FAM180B: variants seen among roughly 807,000 people sequenced by gnomAD.
FAM180B encodes the protein family with sequence similarity 180 member B.
In FAM180B, 14 loss-of-function variants were observed where a neutral mutation model predicts 13.6. The ratio of observed to expected loss-of-function variants is 1.03; its 90% CI spans 0.68 to 1.60. FAM180B has a LOEUF of 1.60. Ranked by LOEUF, FAM180B falls within the 40% of genes most tolerant of loss-of-function variation. The pLI, the probability that FAM180B is intolerant of heterozygous loss-of-function variation, is 0.00. For synonymous variants in FAM180B, 109 were observed against 97.0 expected (o/e 1.12, Z -0.72); for missense variants, 212 against 230.4 (o/e 0.92, Z 0.52).
intron 1 of FAM180B, 97 bp from the exon 2 acceptor site, chr11:47,587,654 C>T: frequency 1.3e-6 from 1 of 789,058 alleles, no homozygotes; most frequent in Non-Finnish European, 2.0e-6. Context: ...TGATGAAGCA[C>T]TCGGGACCTC....
rs556745074 is a variant in FAM180B at position 47,586,712 on chromosome 11, C to T, written c.-57C>T. Reference sequence around the variant, plus strand: ...AGTTGGAGCTGAGGTGTGTGGCAGGCAGATGAGGGAGCAGAGAACTGCTGA... The same window carrying T: ...AGTTGGAGCTGAGGTGTGTGGCAGGTAGATGAGGGAGCAGAGAACTGCTGA... On this transcript the variant is annotated 5_prime_UTR_variant, in exon 1 of 3. Transcript: ENST00000538490. 3 of 1,275,346 alleles carry T rather than the reference C, an allele frequency of 2.4e-6. No individual in the cohort carries two copies. Among genetic ancestry groups the T allele is most frequent in the African/African-American group, 1.5e-5 (1 of 67,860 alleles). The allele number at this position is 1,275,346 out of a possible 1,614,324, so 79.0% of individuals were successfully genotyped here.
chr11:47,588,165 G>A lies in FAM180B; in HGVS notation c.283G>A (p.Glu95Lys). The A allele has an allele frequency of 6.5e-7, 1 of 1,537,208 alleles. No individual in the cohort carries two copies. Among genetic ancestry groups the A allele is most frequent in the East Asian group, 2.4e-5 (1 of 40,920 alleles). Residue 95 changes from glutamate to lysine, a missense_variant, in exon 3 of 3, where the codon GAG becomes AAG. Transcript: ENST00000538490. Reference sequence around the variant, plus strand: ...GCAGCACCACGTGCCCAGTGACTTGGAGGGCACTGAGCAGTGGCTGCAGCA... The same window carrying A: ...GCAGCACCACGTGCCCAGTGACTTGAAGGGCACTGAGCAGTGGCTGCAGCA... ...LLQHHVPSDL[E>K]GTEQWLQQLQ...
chr11:47,587,693 A>C, intron 1 of FAM180B, 58 bp from the exon 2 acceptor site: 1 of 1,266,462 alleles, frequency 7.9e-7, no homozygotes, highest in Non-Finnish European at 1.1e-6. Context: ...CACTTCTGGG[A>C]GGCTGGGGTG....
chr11:47,588,743 T>A lies in FAM180B; in HGVS notation c.*309T>A, dbSNP rs1396955529. On this transcript the variant is annotated 3_prime_UTR_variant, in exon 3 of 3. Transcript: ENST00000538490. The stretch of plus-strand genomic sequence containing the variant: ...GAGTGTGTGTGTGTGTGTGTGTGTG[T>A]GTGTGTGTGTGTGGAGATCAGGGGT... The A allele has an allele frequency of 3.3e-5, 9 of 274,648 alleles. No individual in the cohort carries two copies. The highest frequency in any genetic ancestry group is 5.4e-5 in the Non-Finnish European group (8 of 147,490). The allele number at this position is 274,648 out of a possible 1,614,324, so 17.0% of individuals were successfully genotyped here. A position where few individuals can be genotyped will look rare whatever the true frequency, so the allele number is the denominator to read the frequency against.
chr11:47,586,915 T>C, intron 1 of FAM180B, 62 bp downstream of exon 1: 1 of 1,161,010 alleles, frequency 8.6e-7, no homozygotes, highest in South Asian at 1.3e-5. Flanking sequence ...AGTTAACAGT[T>C]GGCTCTATTT....
At position 47,587,811 on chromosome 11, in the gene FAM180B, T is replaced by C; in HGVS notation, c.146T>C (p.Val49Ala). ...CTGCAGGAGCCAGAGGCCCCGGAAG[T>C]GATGTTTGAGGTCTTTCCTCCCAGC... ...GGLQEPEAPE[V>A]MFELLWAGLE... is the part of the protein sequence containing the mutation. The change falls in exon 2 of 3, where the codon GTG (valine) becomes GCG (alanine). Residue 49 changes from valine to alanine, a missense_variant. Physicochemically the swap from Val to Ala is moderately conservative, Grantham distance 64 (BLOSUM62 0). Transcript: ENST00000538490. 6.5e-7 allele frequency: 1 copy of C among 1,534,422 alleles called. No homozygotes were observed. The highest frequency in any genetic ancestry group is 8.7e-7 in the Non-Finnish European group (1 of 1,145,398).
Position 47,588,199 on chromosome 11 carries a change from A to G in FAM180B, c.317A>G (p.Asp106Gly). The G allele has an allele frequency of 6.5e-7, 1 of 1,537,070 alleles. No homozygotes were observed. Among genetic ancestry groups the G allele is most frequent in the Non-Finnish European group, 8.7e-7 (1 of 1,146,834 alleles). ...GAGCAGTGGCTGCAGCAGCTCCAGGACCTGCGGAAGGGGCCTCCTCTTAGC... is the reference window on the plus strand; with the variant it reads ...GAGCAGTGGCTGCAGCAGCTCCAGGGCCTGCGGAAGGGGCCTCCTCTTAGC... ...GTEQWLQQLQ[D>G]LRKGPPLSTW... Residue 106 changes from aspartate (D) to glycine (G), a missense_variant, in exon 3 of 3, where the codon GAC becomes GGC. Transcript: ENST00000538490.
At position 47,588,657 on chromosome 11, in the gene FAM180B, C is replaced by A; in HGVS notation, c.*223C>A. ...GGCTAAGAACCCAGGCTCTGGGTCG[C>A]AAGGAGTGCGCAAGGAGTGGGCACA... On this transcript the variant is annotated 3_prime_UTR_variant, in exon 3 of 3. Coordinates refer to ENST00000538490, the MANE Select transcript of FAM180B (RefSeq NM_001164379.3). 1.9e-6 allele frequency: 1 copy of A among 526,800 alleles called. No individual in the cohort carries two copies. Among genetic ancestry groups the A allele is most frequent in the Non-Finnish European group, 3.4e-6 (1 of 297,334 alleles). The allele number at this position is 526,800 out of a possible 1,614,324, so 32.6% of individuals were successfully genotyped here.
Position 47,588,254 on chromosome 11 carries a change from A to C in FAM180B, c.372A>C (p.Thr124=), listed in dbSNP as rs2097272811. 6.5e-7 allele frequency: 1 copy of C among 1,537,000 alleles called. No homozygotes were observed. Among genetic ancestry groups the C allele is most frequent in the Non-Finnish European group, 8.7e-7 (1 of 1,146,760 alleles). Residue 124 remains threonine, a synonymous_variant, in exon 3 of 3, where the codon ACA becomes ACC. Coordinates refer to ENST00000538490, the MANE Select transcript of FAM180B (RefSeq NM_001164379.3). ...GGGACTTTGAACATCTGCTCCTCAC[A>C]GGCCTGTCCTGCGTCTACCGGCTCC... The part of the protein sequence containing the change: ...STWDFEHLLL[T]GLSCVYRLHA...
rs1338985170 is a variant in FAM180B, at chr11:47,586,812, T to C, written c.44T>C (p.Ile15Thr). Reference protein sequence around the residue: ...LQFLVCLVVAICLLSGVTTTQ... With the variant: ...LQFLVCLVVATCLLSGVTTTQ... ...TTCCTGGTTTGCCTGGTGGTAGCCA[T>C]TTGTCTCCTCTCTGGTGTGACTACA... Residue 15 changes from isoleucine (I) to threonine (T), a missense_variant, in exon 1 of 3, where the codon ATT becomes ACT. Coordinates refer to ENST00000538490, the MANE Select transcript of FAM180B (RefSeq NM_001164379.3). The C allele has an allele frequency of 2.6e-6, 4 of 1,537,224 alleles. No homozygotes were observed. The African/African-American group carries it at 5.5e-5, about 21-fold the overall frequency.
In FAM180B at chr11:47,589,159, C is replaced by T. The variant is rs2097273644; in HGVS notation, c.*725C>T. 6.6e-6 allele frequency: 1 copy of T among 152,184 alleles called. No individual in the cohort carries two copies. The highest frequency in any genetic ancestry group is 2.1e-4 in the South Asian group (1 of 4,820). The allele number at this position is 152,184 out of a possible 1,614,324, so 9.4% of individuals were successfully genotyped here. ...GGCTGGAGCAGGTGTGGCCCTGATTCTGTGTTGCTCTTCTCATAAAATGTT... is the reference window on the plus strand; with the variant it reads ...GGCTGGAGCAGGTGTGGCCCTGATTTTGTGTTGCTCTTCTCATAAAATGTT... On this transcript the variant is annotated 3_prime_UTR_variant, in exon 3 of 3. Transcript: ENST00000538490.
chr11:47,587,853 G>C, intron 2 of FAM180B, 32 bp downstream of exon 2: 1 of 1,506,982 alleles, frequency 6.6e-7, no homozygotes, highest in Non-Finnish European at 8.9e-7. Context: ...CATGGGGGTG[G>C]GCACGTCCAG....
chr11:47,587,903 G>A, intron 2 of FAM180B, 82 bp downstream of exon 2: 2 of 1,421,712 alleles, frequency 1.4e-6, no homozygotes. Context: ...GATGTCTCAG[G>A]GTGGACCTGC....
chr11:47,588,466 C>T lies in FAM180B; in HGVS notation c.*32C>T, dbSNP rs1327174552. The T allele has an allele frequency of 1.5e-6, 2 of 1,304,874 alleles. No individual in the cohort carries two copies. The highest frequency in any genetic ancestry group is 1.5e-5 in the South Asian group (1 of 67,844). 80.8% of individuals were successfully genotyped at this position (1,304,874 alleles called of 1,614,324 possible). On this transcript the variant is annotated 3_prime_UTR_variant, in exon 3 of 3. Coordinates refer to ENST00000538490, the MANE Select transcript of FAM180B (RefSeq NM_001164379.3). ...TCTTTTGTTCTTTCACCTGCCATTA[C>T]CCCCTCCCATCTCCTCCTCAACCCC...
chr11:47,588,529 C>T lies in FAM180B; in HGVS notation c.*95C>T. On this transcript the variant is annotated 3_prime_UTR_variant, in exon 3 of 3. Transcript: ENST00000538490. ...ATCTTGCGCAGGGGCTTCTGTCTGGCATCTGATTCTTTTCACCGTGTTCAG... is the reference window on the plus strand; with the variant it reads ...ATCTTGCGCAGGGGCTTCTGTCTGGTATCTGATTCTTTTCACCGTGTTCAG... 1.6e-6 allele frequency: 1 copy of T among 632,280 alleles called. No homozygotes were observed. The highest frequency in any genetic ancestry group is 2.7e-6 in the Non-Finnish European group (1 of 369,166). The allele number at this position is 632,280 out of a possible 1,614,324, so 39.2% of individuals were successfully genotyped here. A position where few individuals can be genotyped will look rare whatever the true frequency, so the allele number is the denominator to read the frequency against.
At chr11:47,587,644 T>C in intron 1 of FAM180B, 107 bp from the exon 2 acceptor site, 3 of 701,312 alleles carry the variant, frequency 4.3e-6, no homozygotes, top group Non-Finnish European at 6.9e-6. Flanking sequence ...TTTTGTAGAA[T>C]GATGAAGCAC....
Position 47,586,777 on chromosome 11 carries a change from G to A in FAM180B, c.9G>A (p.Ala3=). The change falls in exon 1 of 3, where the codon GCG becomes GCA. Residue 3 remains alanine, a synonymous_variant. Transcript: ENST00000538490. MA[A]TLQFLVCLVV... ...AGAGGACGTGGTTGAGCATGGCTGC[G>A]ACCCTGCAGTTCCTGGTTTGCCTGG... The A allele has an allele frequency of 2.6e-6, 4 of 1,537,048 alleles. No homozygotes were observed. The highest frequency in any genetic ancestry group is 1.2e-5 in the South Asian group (1 of 84,062).
In FAM180B at chr11:47,588,707, AGT is replaced by A. The variant is rs1379331772; in HGVS notation, c.*283_*284del. 2.8e-6 allele frequency: 1 copy of A among 359,288 alleles called. No individual in the cohort carries two copies. Among genetic ancestry groups the A allele is most frequent in the Non-Finnish European group, 4.9e-6 (1 of 202,174 alleles). The allele number at this position is 359,288 out of a possible 1,614,324, so 22.3% of individuals were successfully genotyped here. A position where few individuals can be genotyped will look rare whatever the true frequency, so the allele number is the denominator to read the frequency against. Reference sequence around the variant, plus strand: ...AGAGCTAAGGGCACGACTTGCAGGCAGTGTGTGTGTGAGTGTGTGTGTGTGTG... The same window carrying A: ...AGAGCTAAGGGCACGACTTGCAGGCAGTGTGTGTGAGTGTGTGTGTGTGTG... On this transcript the variant is annotated 3_prime_UTR_variant, in exon 3 of 3. Transcript: ENST00000538490.
chr11:47,588,690 G>C lies in FAM180B; in HGVS notation c.*256G>C. The C allele has an allele frequency of 4.2e-6, 2 of 473,804 alleles. No homozygotes were observed. The highest frequency in any genetic ancestry group is 7.3e-5 in the Admixed American group (2 of 27,268). The allele number at this position is 473,804 out of a possible 1,614,324, so 29.3% of individuals were successfully genotyped here. ...GCGCAAGGAGTGGGCACAGAGCTAA[G>C]GGCACGACTTGCAGGCAGTGTGTGT... On this transcript the variant is annotated 3_prime_UTR_variant, in exon 3 of 3. Coordinates refer to ENST00000538490, the MANE Select transcript of FAM180B (RefSeq NM_001164379.3).
Sources: allele counts gnomAD v4.1 joint callset, GRCh38; gene constraint gnomAD v4.1.1; transcripts MANE v1.5; gene names NCBI Gene and HGNC (gene_info 2026-07-23, HGNC 2026-07-21).